Variants in EYS observed in about 807,000 individuals in gnomAD.
EYS encodes protein eyes shut homolog.
Under a neutral mutation model 282.1 loss-of-function variants are expected in EYS, and 250 were observed. That is an observed-to-expected ratio of 0.89 (90% confidence interval 0.80 to 0.98). EYS has a LOEUF of 0.98. Among genes scored for constraint, EYS ranks in the 50% least tolerant of loss-of-function variants. The pLI is 0.00. For missense variants in EYS, 4,016 were observed against 3,709.0 expected, an observed-to-expected ratio of 1.08 and a Z score of -2.15; for synonymous variants, 1,355 against 1,282.9, an observed-to-expected ratio of 1.06 and a Z score of -1.20.
At chr6:65,150,589 G>A (rs9453206) in intron 12 of EYS, among the ~76,000 whole-genome samples, 4,277 of 151,784 alleles carry the variant, frequency 0.028, 152 homozygotes, top group African/African-American at 0.086. Context: ...TTTTCAAATA[G>A]TCTGTCATTA....
chr6:64,561,947 A>G (rs1437167385), intron 26 of EYS, among the ~76,000 whole-genome samples: 1 of 150,350 alleles, frequency 6.7e-6, no homozygotes, highest in Non-Finnish European at 1.5e-5. Flanking sequence ...AAGAGCTCCA[A>G]TCCTAAGCAA....
chr6:64,789,466 C>T (rs193111704), intron 22 of EYS, among the ~76,000 whole-genome samples: 12 of 152,238 alleles, frequency 7.9e-5, no homozygotes, highest in Admixed American at 4.6e-4. Flanking sequence ...AGTCTATAAA[C>T]ATGCAAGAAT....
intron 36 of EYS, among the ~76,000 whole-genome samples, chr6:63,842,343 C>T (rs930894322): frequency 2.6e-5 from 4 of 152,310 alleles, no homozygotes; most frequent in Non-Finnish European, 5.9e-5. Context: ...TTTTGATTTG[C>T]ATTTCTCTAA....
At chr6:64,650,186 A>G (rs1248349478) in intron 22 of EYS, among the ~76,000 whole-genome samples, 2 of 152,208 alleles carry the variant, frequency 1.3e-5, no homozygotes, top group African/African-American at 4.8e-5. Context: ...CTCTGGTTTA[A>G]TCAAACATTC....
chr6:65,542,690 T>C (rs906418350), intron 2 of EYS, among the ~76,000 whole-genome samples: 1 of 152,144 alleles, frequency 6.6e-6, no homozygotes, highest in Admixed American at 6.6e-5. Context: ...GGCTCAAAGA[T>C]GATTTATAAC....
chr6:63,957,750 G>A (rs1271768628), intron 35 of EYS, among the ~76,000 whole-genome samples: 1 of 140,612 alleles, frequency 7.1e-6, no homozygotes, highest in African/African-American at 2.4e-5. Flanking sequence ...CTAGAGTACT[G>A]CTCTCTCTGA....
intron 26 of EYS, among the ~76,000 whole-genome samples, chr6:64,508,260 A>G (rs1777275102): frequency 6.6e-6 from 1 of 152,156 alleles, no homozygotes; most frequent in Non-Finnish European, 1.5e-5. Flanking sequence ...TGTTGCTTTC[A>G]GTTATTCTGT....
chr6:63,937,683 G>T (rs1016241271), intron 35 of EYS, among the ~76,000 whole-genome samples: 8 of 151,852 alleles, frequency 5.3e-5, no homozygotes, highest in African/African-American at 1.9e-4. Context: ...GCCTGGCCAG[G>T]CTTCCCTCTT....
rs1490989565 is a variant in EYS at position 65,178,580 on chromosome 6, A to G, written c.2023+117283T>C. Reference sequence around the variant, plus strand: ...ATAAAGCAAGTCCTGAGTGACCTACAAAGAGACTTAGACTCCCACACATTA... The same window carrying G: ...ATAAAGCAAGTCCTGAGTGACCTACGAAGAGACTTAGACTCCCACACATTA... On this transcript the variant is annotated intron_variant, in intron 12 of 42. Coordinates refer to ENST00000503581, the MANE Select transcript of EYS (RefSeq NM_001142800.2). 5.3e-5 allele frequency among the ~76,000 whole-genome samples: 8 copies of G among 152,168 alleles called. No individual in the cohort carries two copies. In the East Asian group the frequency reaches 1.6e-3, roughly 30 times the overall value.
intron 26 of EYS, among the ~76,000 whole-genome samples, chr6:64,536,105 A>T (rs1425000979): frequency 6.6e-6 from 1 of 152,106 alleles, no homozygotes; most frequent in Non-Finnish European, 1.5e-5. Flanking sequence ...CTATTTTTAT[A>T]TAAATATGTC....
intron 26 of EYS, among the ~76,000 whole-genome samples, chr6:64,542,646 T>C (rs1764725687): frequency 6.6e-6 from 1 of 152,026 alleles, no homozygotes; most frequent in African/African-American, 2.4e-5. Context: ...ACATTTAAGA[T>C]GAATAAAGTA....
chr6:63,888,943 T>A (rs1163877336), intron 35 of EYS, among the ~76,000 whole-genome samples: 2 of 152,144 alleles, frequency 1.3e-5, no homozygotes, highest in Non-Finnish European at 2.9e-5. Flanking sequence ...GAGAAGAACA[T>A]AAATGACCTG....
chr6:64,525,714 A>C (rs1351281988), intron 26 of EYS, among the ~76,000 whole-genome samples: 1 of 151,812 alleles, frequency 6.6e-6, no homozygotes, highest in Non-Finnish European at 1.5e-5. Context: ...AACAGTGACA[A>C]CACCAAAGAC....
At chr6:65,506,637 C>T (rs1766670720) in intron 2 of EYS, among the ~76,000 whole-genome samples, 1 of 139,068 alleles carries the variant, frequency 7.2e-6, no homozygotes, top group Non-Finnish European at 1.5e-5. Context: ...GTCACCAGAC[C>T]AGACTATGAA....
At chr6:65,285,516 T>C (rs1312384624) in intron 12 of EYS, among the ~76,000 whole-genome samples, 1 of 151,956 alleles carries the variant, frequency 6.6e-6, no homozygotes, top group Non-Finnish European at 1.5e-5. Context: ...AGAAATCTTT[T>C]AAGAAGTGCC....
At position 65,335,041 on chromosome 6, in the gene EYS, C is replaced by G. The variant is rs1582153504; in HGVS notation, c.1705G>C (p.Asp569His). 1 of 1,611,374 alleles carries G rather than the reference C, an allele frequency of 6.2e-7. No homozygotes were observed. Among genetic ancestry groups the G allele is most frequent in the East Asian group, 2.2e-5 (1 of 44,776 alleles). ...AGNMYLENTTDDQENECQHEA... is the reference protein window; with the variant it reads ...AGNMYLENTTHDQENECQHEA... ...TGTTGACACTCATTTTCTTGATCAT[C>G]AGTTGTATTTTCCAGATACATGTTG... is the stretch of plus-strand genomic sequence containing the variant. Residue 569 changes from aspartate to histidine, a missense_variant, in exon 11 of 43, where the codon GAT (aspartate) becomes CAT (histidine). Coordinates refer to ENST00000503581, the MANE Select transcript of EYS (RefSeq NM_001142800.2).
intron 22 of EYS, among the ~76,000 whole-genome samples, chr6:64,647,716 A>G (rs1582993888): frequency 6.6e-6 from 1 of 151,858 alleles, no homozygotes; most frequent in East Asian, 1.9e-4. Context: ...TTAAATAAAG[A>G]AAAAAAACGC....
intron 31 of EYS, among the ~76,000 whole-genome samples, chr6:64,096,773 A>G (rs1299649386): frequency 6.6e-6 from 1 of 152,140 alleles, no homozygotes; most frequent in Non-Finnish European, 1.5e-5. Context: ...TTCTCCATCC[A>G]GCTTTGTTCC....
intron 29 of EYS, among the ~76,000 whole-genome samples, chr6:64,330,689 G>A (rs1347378988): frequency 6.6e-6 from 1 of 152,196 alleles, no homozygotes; most frequent in African/African-American, 2.4e-5. Context: ...ATGCTAACAA[G>A]CTCACATTTG....
Sources: gnomAD v4.1 joint callset for allele counts (sites outside exome capture counted in the v4.1 genomes callset) on GRCh38, gnomAD v4.1.1 for gene constraint, MANE v1.5 for transcripts, NCBI Gene and HGNC (gene_info 2026-07-23, HGNC 2026-07-21) for gene names.